NGEF: variants seen among roughly 807,000 people sequenced by gnomAD.
NGEF encodes the protein neuronal guanine nucleotide exchange factor, also known as ephexin-1.
In NGEF, 31 loss-of-function variants were observed where a neutral mutation model predicts 80.9. The observed-to-expected ratio is 0.38, with a 90% CI of 0.29 to 0.52. The LOEUF (loss-of-function observed/expected upper bound fraction) is 0.52. Ranked by LOEUF, NGEF falls within the 20% of genes least tolerant of loss-of-function variation. The probability of loss-of-function intolerance (pLI) is 0.84; values close to 1 mark genes in which losing one functional copy is unlikely to be tolerated. For missense variants in NGEF, 709 were observed against 926.2 expected, an observed-to-expected ratio of 0.77 and a Z score of 3.04; for synonymous variants, 371 against 370.2, an observed-to-expected ratio of 1.00 and a Z score of -0.03.
chr2:232,927,260 G>C (rs1244790649), intron 3 of NGEF, 74 bp from the exon 4 acceptor site: 1 of 1,449,744 alleles, frequency 6.9e-7, no homozygotes, highest in African/African-American at 1.4e-5. Flanking sequence ...AGCGAGGGGC[G>C]TGCGCACAGG....
At chr2:232,899,433 C>T (rs1692203142) in intron 5 of NGEF, among the ~76,000 whole-genome samples, 1 of 152,200 alleles carries the variant, frequency 6.6e-6, no homozygotes, top group South Asian at 2.1e-4. Context: ...GAAGATTCAA[C>T]TCCGGTCCAG....
intron 5 of NGEF, chr2:232,901,525 G>A (rs1344740514): frequency 4.8e-6 from 4 of 832,546 alleles, no homozygotes; most frequent in Non-Finnish European, 4.3e-6. Flanking sequence ...GCGTCACCAG[G>A]GTGACATCTG....
At chr2:232,963,764 G>T (rs1694001435) in intron 3 of NGEF, among the ~76,000 whole-genome samples, 1 of 152,048 alleles carries the variant, frequency 6.6e-6, no homozygotes, top group African/African-American at 2.4e-5. Context: ...AGTGAGCCAA[G>T]ATCGTGCCAC....
chr2:233,002,613 G>C (rs182776612), intron 1 of NGEF, among the ~76,000 whole-genome samples: 43 of 152,296 alleles, frequency 2.8e-4, no homozygotes, highest in Admixed American at 1.2e-3. Context: ...GGAGGTTGCA[G>C]TGAGTTATGA....
chr2:232,954,673 C>G (rs540391948), intron 3 of NGEF, among the ~76,000 whole-genome samples: 1 of 150,232 alleles, frequency 6.7e-6, no homozygotes, highest in African/African-American at 2.5e-5. Flanking sequence ...TGCAGTGAGC[C>G]GAGATCACGC....
intron 3 of NGEF, among the ~76,000 whole-genome samples, chr2:232,959,780 T>C (rs568630945): frequency 2.6e-5 from 4 of 152,138 alleles, no homozygotes; most frequent in Admixed American, 6.5e-5. Flanking sequence ...GGTTTCTCCA[T>C]GTTGGTCAGG....
chr2:232,943,731 G>A (rs28603201), intron 3 of NGEF, among the ~76,000 whole-genome samples: 9,130 of 148,248 alleles, frequency 0.062, 478 homozygotes, highest in African/African-American at 0.14. Context: ...TCCTGACCTC[G>A]TGATCCGCCC....
rs190952197 is a variant in NGEF, at chr2:232,985,534, C to T, written c.-74-10570G>A. 2.3e-3 allele frequency among the ~76,000 whole-genome samples: 353 copies of T among 152,140 alleles called. 3 individuals carry two copies. Among genetic ancestry groups the T allele is most frequent in the East Asian group, 0.02 (105 of 5,180 alleles). ...TTGGGAGGCTGAGGCGGGCGGATCA[C>T]GAGGTCAGCAGATCGAGACCATCCT... is the stretch of plus-strand genomic sequence containing the variant. On this transcript the variant is annotated intron_variant, in intron 1 of 14. Coordinates refer to ENST00000264051, the MANE Select transcript of NGEF (RefSeq NM_019850.3).
intron 3 of NGEF, among the ~76,000 whole-genome samples, chr2:232,950,697 G>A (rs1176432358): frequency 6.6e-6 from 1 of 152,238 alleles, no homozygotes; most frequent in Non-Finnish European, 1.5e-5. Context: ...CTGGGTGGGA[G>A]CAAGAAGGCT....
chr2:232,884,996 C>T (rs1383768666), intron 10 of NGEF: 7 of 349,024 alleles, frequency 2.0e-5, no homozygotes, highest in East Asian at 5.1e-5. Context: ...GGCCACGCAG[C>T]GGGCAGGTGA....
chr2:232,912,992 C>T (rs1692720583), intron 5 of NGEF, among the ~76,000 whole-genome samples: 1 of 151,912 alleles, frequency 6.6e-6, no homozygotes, highest in South Asian at 2.1e-4. Flanking sequence ...AAAAATTTCC[C>T]ATGTTGTTGA....
At position 232,900,602 on chromosome 2, in the gene NGEF, G is replaced by A. The variant is rs1246657032; in HGVS notation, c.829-5686C>T. Reference sequence around the variant, plus strand: ...CGCTCTCACAGTCACTCATATACACGTTCACTCACATACACACACGCTCTC... The same window carrying A: ...CGCTCTCACAGTCACTCATATACACATTCACTCACATACACACACGCTCTC... On this transcript the variant is annotated intron_variant, in intron 5 of 14. Transcript: ENST00000264051. 9.5e-4 allele frequency among the ~76,000 whole-genome samples: 38 copies of A among 40,206 alleles called. 3 individuals carry two copies. Among genetic ancestry groups the A allele is most frequent in the Non-Finnish European group, 1.4e-3 (30 of 21,544 alleles). The allele number at this position is 40,206 out of a possible 152,430, so 26.4% of individuals were successfully genotyped here.
chr2:232,959,208 G>T (rs1198338793), intron 3 of NGEF, among the ~76,000 whole-genome samples: 3 of 151,992 alleles, frequency 2.0e-5, no homozygotes, highest in Admixed American at 6.6e-5. Flanking sequence ...AGAAATTGGG[G>T]CATTTATCCT....
chr2:232,895,544 G>T (rs1264806941), intron 5 of NGEF, among the ~76,000 whole-genome samples: 1 of 149,296 alleles, frequency 6.7e-6, no homozygotes, highest in Non-Finnish European at 1.5e-5. Context: ...AAAAAAAAAG[G>T]TCAGCCACAC....
chr2:232,916,859 G>A (rs546216820), intron 5 of NGEF, among the ~76,000 whole-genome samples: 2 of 152,276 alleles, frequency 1.3e-5, no homozygotes, highest in South Asian at 2.1e-4. Context: ...TCTCAGACGC[G>A]CACAGAGATG....
At chr2:232,886,255 T>C (rs1691686643) in intron 9 of NGEF, among the ~76,000 whole-genome samples, 11 of 94,970 alleles carry the variant, frequency 1.2e-4, no homozygotes, top group Admixed American at 9.3e-4. Flanking sequence ...CAGTGTGTAT[T>C]GTGTGATATG....
intron 1 of NGEF, among the ~76,000 whole-genome samples, chr2:232,975,499 G>A (rs902762737): frequency 2.0e-5 from 3 of 152,166 alleles, no homozygotes; most frequent in African/African-American, 7.2e-5. Context: ...ATGTATGGCC[G>A]TGGTGGAAGA....
intron 3 of NGEF, among the ~76,000 whole-genome samples, chr2:232,947,208 T>A (rs757080672): frequency 6.6e-6 from 1 of 152,154 alleles, no homozygotes; most frequent in Non-Finnish European, 1.5e-5. Flanking sequence ...AAATGTAGCA[T>A]CAAAAATAAT....
intron 5 of NGEF, chr2:232,905,696 A>G (rs775821805): frequency 6.7e-5 from 26 of 385,712 alleles, no homozygotes; most frequent in South Asian, 3.3e-4. Context: ...TAGGAAGTGA[A>G]GAGCATCTCC....
Sources: allele counts gnomAD v4.1 joint callset (sites outside exome capture counted in the v4.1 genomes callset), GRCh38; gene constraint gnomAD v4.1.1; transcripts MANE v1.5; gene names NCBI Gene and HGNC (gene_info 2026-07-23, HGNC 2026-07-21).